Variants in NFIC observed in about 807,000 individuals in gnomAD.
NFIC encodes nuclear factor I C.
A neutral mutation model predicts 54.4 loss-of-function variants in NFIC; 12 were observed. The observed-to-expected ratio is 0.22, with a 90% confidence interval of 0.14 to 0.36. NFIC has a LOEUF of 0.36. NFIC is among the 10% of genes least tolerant of loss of function. NFIC has a pLI of 1.00. For missense variants in NFIC, 575 were observed against 718.2 expected, an observed-to-expected ratio of 0.80 and a Z score of 2.28; for synonymous variants, 322 against 319.2, an observed-to-expected ratio of 1.01 and a Z score of -0.09.
intron 2 of NFIC, among the ~76,000 whole-genome samples, chr19:3,394,607 T>C (rs1393732240): frequency 1.4e-5 from 2 of 138,330 alleles, no homozygotes; most frequent in East Asian, 4.5e-4. Flanking sequence ...GGGGCTGCTG[T>C]ATTGGGCAGG....
At chr19:3,368,009 C>T (rs1408914416) in intron 1 of NFIC, among the ~76,000 whole-genome samples, 2 of 152,190 alleles carry the variant, frequency 1.3e-5, no homozygotes, top group Admixed American at 6.5e-5. Flanking sequence ...CTGTGATCCC[C>T]TGAGTGACCT....
chr19:3,373,135 G>T (rs12972403), intron 1 of NFIC, among the ~76,000 whole-genome samples: 79,992 of 151,982 alleles, frequency 0.53, 21,112 homozygotes, highest in Middle Eastern at 0.67. Flanking sequence ...GTGAGCCACC[G>T]CGCCCGGCCC....
At position 3,451,632 on chromosome 19, in the gene NFIC, T is replaced by TAAAAAAAAAAA. The variant is rs542068323; in HGVS notation, c.1085-844_1085-834dup. Among the ~76,000 whole-genome samples, 827 of 131,448 alleles carry TAAAAAAAAAAA rather than the reference T, an allele frequency of 6.3e-3. 12 individuals carry two copies. The highest frequency in any genetic ancestry group is 0.022 in the African/African-American group (780 of 36,024). 86.2% of individuals were successfully genotyped at this position (131,448 alleles called of 152,430 possible). ...GGTGACAAAGCGAGATTCTATCTCT[T>TAAAAAAAAAAA]AAAAAAAAAAAAAAAAGATCACTAT... On this transcript the variant is annotated intron_variant, in intron 7 of 10. Coordinates refer to ENST00000443272, the MANE Select transcript of NFIC (RefSeq NM_001245002.2).
intron 10 of NFIC, chr19:3,456,930 C>T: frequency 2.1e-6 from 1 of 471,488 alleles, no homozygotes; most frequent in Non-Finnish European, 4.0e-6. Context: ...GTCATTACCA[C>T]CTGCTTCCCA....
chr19:3,450,958 G>A (rs887367749), intron 7 of NFIC, among the ~76,000 whole-genome samples: 5 of 152,182 alleles, frequency 3.3e-5, no homozygotes, highest in Admixed American at 1.3e-4. Context: ...TGTCTTGGCA[G>A]GGCTGAGTAA....
In NFIC at chr19:3,441,279, G is replaced by T. The variant is rs11882906; in HGVS notation, c.958+6072G>T. ...CGGGTGCACAGGGACACGGAACCACGTGGCCGTTCCCAGCGGCCCCACTCA... is the reference window on the plus strand; with the variant it reads ...CGGGTGCACAGGGACACGGAACCACTTGGCCGTTCCCAGCGGCCCCACTCA... On this transcript the variant is annotated intron_variant, in intron 6 of 10. Coordinates refer to ENST00000443272, the MANE Select transcript of NFIC (RefSeq NM_001245002.2). Among the ~76,000 whole-genome samples, 1,333 of 152,326 alleles carry T rather than the reference G, an allele frequency of 8.8e-3. 25 individuals carry two copies. The highest frequency in any genetic ancestry group is 0.031 in the African/African-American group (1,283 of 41,562).
rs1599720758 is a variant in NFIC, at chr19:3,453,029, G to A, written c.1269+363G>A. Among the ~76,000 whole-genome samples the A allele has an allele frequency of 6.6e-6, 1 of 152,196 alleles. No homozygotes were observed. The highest frequency in any genetic ancestry group is 2.4e-5 in the African/African-American group (1 of 41,454). On this transcript the variant is annotated intron_variant, in intron 8 of 10. Coordinates refer to ENST00000443272, the MANE Select transcript of NFIC (RefSeq NM_001245002.2). The surrounding 1 kb of genome is among the most constrained non-coding windows in gnomAD (Gnocchi z 6.7). ...GGCGGGAGGATTGCATAAGCCCAGA[G>A]TTCAAGACCAACCTGGGCAGCATAG... is the stretch of plus-strand genomic sequence containing the variant.
rs928266733 is a variant in NFIC, at chr19:3,464,559, C to T, written c.*1790C>T. 12 of 930,044 alleles carry T rather than the reference C, an allele frequency of 1.3e-5. No homozygotes were observed. The allele number at this position is 930,044 out of a possible 1,614,324, so 57.6% of individuals were successfully genotyped here. A position where few individuals can be genotyped will look rare whatever the true frequency, so the allele number is the denominator to read the frequency against. On this transcript the variant is annotated 3_prime_UTR_variant, in exon 11 of 11. Coordinates refer to ENST00000443272, the MANE Select transcript of NFIC (RefSeq NM_001245002.2). The stretch of plus-strand genomic sequence containing the variant: ...AGCCCAGCCCCAACTGACCTCCATG[C>T]CTAGGGAAAAACTCCCCCCACCACT...
At chr19:3,429,819 G>A (rs112311009) in intron 3 of NFIC, among the ~76,000 whole-genome samples, 21 of 152,148 alleles carry the variant, frequency 1.4e-4, no homozygotes, top group Non-Finnish European at 2.6e-4. Context: ...ATTTCTACCC[G>A]GAGGCCTTTG....
chr19:3,388,831 A>G (rs567106763), intron 2 of NFIC, among the ~76,000 whole-genome samples: 1 of 86,762 alleles, frequency 1.2e-5, no homozygotes, highest in East Asian at 4.5e-4. Context: ...TTATCTCTAA[A>G]AACCGTTTTT....
intron 2 of NFIC, among the ~76,000 whole-genome samples, chr19:3,387,537 A>T (rs925645427): frequency 1.3e-5 from 2 of 151,872 alleles, no homozygotes; most frequent in Non-Finnish European, 2.9e-5. Flanking sequence ...GGTGTCAGGG[A>T]ACTGCAGGAA....
At chr19:3,456,807 G>C in intron 10 of NFIC, 172 bp downstream of exon 10, 2 of 662,414 alleles carry the variant, frequency 3.0e-6, no homozygotes, top group Non-Finnish European at 5.3e-6. Flanking sequence ...TCTCCCTGAG[G>C]CCAAATTTCC....
upstream of NFIC, among the ~76,000 whole-genome samples, chr19:3,365,987 G>A (rs1313000584): frequency 6.6e-6 from 1 of 151,904 alleles, no homozygotes; most frequent in East Asian, 1.9e-4. Flanking sequence ...ATCTTTAAGG[G>A]GAAAGAGGCG....
At chr19:3,419,643 A>C (rs1043011049) in intron 2 of NFIC, among the ~76,000 whole-genome samples, 2 of 151,836 alleles carry the variant, frequency 1.3e-5, no homozygotes, top group African/African-American at 2.4e-5. Flanking sequence ...TTAAAATTAG[A>C]TTAGAAAATT....
intron 3 of NFIC, among the ~76,000 whole-genome samples, chr19:3,431,095 G>A (rs1260088518): frequency 1.3e-5 from 2 of 151,874 alleles, no homozygotes; most frequent in Non-Finnish European, 2.9e-5. Flanking sequence ...TACTGGTTTT[G>A]AGATGAAGTC....
chr19:3,424,441 A>G (rs1053087068), intron 2 of NFIC, among the ~76,000 whole-genome samples: 22 of 152,020 alleles, frequency 1.4e-4, no homozygotes, highest in Non-Finnish European at 2.4e-4. Flanking sequence ...CAGTGGTGCA[A>G]TCCTGGCTCA....
chr19:3,456,877 G>A (rs1390946869), intron 10 of NFIC: 3 of 566,394 alleles, frequency 5.3e-6, no homozygotes, highest in Non-Finnish European at 9.6e-6. Context: ...GGGGTCCCCA[G>A]GAGCGTCTCT....
At position 3,403,755 on chromosome 19, in the gene NFIC, C is replaced by T. The variant is rs116886445; in HGVS notation, c.563-21351C>T. On this transcript the variant is annotated intron_variant, in intron 2 of 10. Coordinates refer to ENST00000443272, the MANE Select transcript of NFIC (RefSeq NM_001245002.2). ...GTCCTCCGGACTCCCCGCGGGCTGC[C>T]CAGTTGGAGACGCGCCCCAAGAAAT... 8.4e-3 allele frequency among the ~76,000 whole-genome samples: 1,276 copies of T among 152,312 alleles called. 11 individuals carry two copies. The highest frequency in any genetic ancestry group is 0.014 in the South Asian group (66 of 4,834).
At chr19:3,442,735 C>T (rs2082313030) in intron 6 of NFIC, among the ~76,000 whole-genome samples, 1 of 152,032 alleles carries the variant, frequency 6.6e-6, no homozygotes, top group Non-Finnish European at 1.5e-5. Flanking sequence ...GCAACGTGGC[C>T]TGGGGAGGGA....
Sources: gnomAD v4.1 joint callset for allele counts (sites outside exome capture counted in the v4.1 genomes callset) on GRCh38, gnomAD v4.1.1 for gene constraint, Gnocchi (gnomAD v3.1) non-coding constraint, MANE v1.5 for transcripts, NCBI Gene and HGNC (gene_info 2026-07-23, HGNC 2026-07-21) for gene names.